HEATR1: variants seen among roughly 807,000 people sequenced by gnomAD.
HEATR1 encodes HEAT repeat-containing protein 1.
In HEATR1, 77 loss-of-function variants were observed where a neutral mutation model predicts 248.2. The observed-to-expected ratio is 0.31, with a 90% CI of 0.26 to 0.37. The LOEUF (loss-of-function observed/expected upper bound fraction) is 0.37, where lower values mean the gene tolerates loss of function less well. Ranked by LOEUF, HEATR1 falls within the 10% of genes least tolerant of loss-of-function variation. The pLI is 1.00. For missense variants in HEATR1, 2,420 were observed against 2,504.9 expected, an observed-to-expected ratio of 0.97 and a Z score of 0.72; for synonymous variants, 897 against 923.1, an observed-to-expected ratio of 0.97 and a Z score of 0.51.
chr1:236,595,747 T>A lies in HEATR1; in HGVS notation c.957-74A>T. The A allele has an allele frequency of 2.0e-6, 3 of 1,513,198 alleles. No individual in the cohort carries two copies. In the African/African-American group the frequency reaches 4.2e-5, roughly 21 times the overall value. The allele number at this position is 1,513,198 out of a possible 1,614,324, so 93.7% of individuals were successfully genotyped here. The stretch of plus-strand genomic sequence containing the variant: ...ATGAGTAACAATATAAGAAAATATA[T>A]AATCACTTATCTTACAAAAAAAAAT... On this transcript the variant is annotated intron_variant, in intron 7 of 44. Transcript: ENST00000366582.
At chr1:236,587,220 CACACAA>C (rs1370200950) in intron 14 of HEATR1, among the ~76,000 whole-genome samples, 176 bp downstream of exon 14, 1 of 151,574 alleles carries the variant, frequency 6.6e-6, no homozygotes, top group Non-Finnish European at 1.5e-5. Context: ...ATAATGAACA[CACACAA>C]ACACAAATTA....
In HEATR1 at chr1:236,556,194, G is replaced by A. The variant is rs765905193; in HGVS notation, c.5420C>T (p.Thr1807Ile). 1 of 1,614,008 alleles carries A rather than the reference G, an allele frequency of 6.2e-7. No individual in the cohort carries two copies. The highest frequency in any genetic ancestry group is 8.5e-7 in the Non-Finnish European group (1 of 1,179,994). ...GSASQANIRLTSLKKTLATTL... is the reference protein window; with the variant it reads ...GSASQANIRLISLKKTLATTL... ...GGTAGCCAGTGTCTTTTTAAGAGATGTGAGACGGATATTAGCCTGTGACGC... is the reference window on the plus strand; with the variant it reads ...GGTAGCCAGTGTCTTTTTAAGAGATATGAGACGGATATTAGCCTGTGACGC... The change falls in exon 38 of 45, where the codon ACA becomes ATA. Residue 1807 changes from threonine to isoleucine, a missense_variant. Coordinates refer to ENST00000366582, the MANE Select transcript of HEATR1 (RefSeq NM_018072.6).
intron 33 of HEATR1, 86 bp downstream of exon 33, chr1:236,561,139 A>G (rs1347433669): frequency 2.1e-6 from 2 of 970,964 alleles, no homozygotes; most frequent in African/African-American, 3.3e-5. Flanking sequence ...TAAAGAGTAT[A>G]TGAATTTTCT....
chr1:236,590,970 T>TAGTTATCAA lies in HEATR1; in HGVS notation c.1423-25_1423-17dup, dbSNP rs750517078. ...CTGCTAAAAACTACAGGGTTCAACATAGTTATCAAATGATTTCACTTAATC... is the reference window on the plus strand; with the variant it reads ...CTGCTAAAAACTACAGGGTTCAACATAGTTATCAAAGTTATCAAATGATTTCACTTAATC... On this transcript the variant is annotated splice_polypyrimidine_tract_variant and intron_variant, in intron 11 of 44. Coordinates refer to ENST00000366582, the MANE Select transcript of HEATR1 (RefSeq NM_018072.6). 1 of 1,277,640 alleles carries TAGTTATCAA rather than the reference T, an allele frequency of 7.8e-7. No homozygotes were observed. The highest frequency in any genetic ancestry group is 1.1e-6 in the Non-Finnish European group (1 of 945,162). 79.1% of individuals were successfully genotyped at this position (1,277,640 alleles called of 1,614,324 possible).
intron 42 of HEATR1, 32 bp from the exon 43 acceptor site, chr1:236,553,771 C>T: frequency 3.8e-6 from 6 of 1,573,994 alleles, no homozygotes; most frequent in Non-Finnish European, 5.2e-6. Flanking sequence ...CTTTGAACAA[C>T]AAGTCTCATT....
chr1:236,604,162 G>T, intron 1 of HEATR1, 35 bp from the exon 2 acceptor site: 1 of 1,480,200 alleles, frequency 6.8e-7, no homozygotes, highest in Admixed American at 2.5e-5. Context: ...AAGTTTCTAC[G>T]AAATTATAAG....
In HEATR1 at chr1:236,576,226, T is replaced by G; in HGVS notation, c.3077A>C (p.Asn1026Thr). 6.3e-7 allele frequency: 1 copy of G among 1,598,452 alleles called. No homozygotes were observed. The stretch of plus-strand genomic sequence containing the variant: ...CACTTAAATGGCACATACCTCACCG[T>G]TGACTCCCTGAAGTACTTTCATCAA... ...KDLMKVLQGVNGEMVLSQLLP... is the reference protein window; with the variant it reads ...KDLMKVLQGVTGEMVLSQLLP... Residue 1026 changes from asparagine (N) to threonine (T), a missense_variant, in exon 22 of 45, where the codon AAC becomes ACC. Transcript: ENST00000366582.
At chr1:236,560,574 A>T (rs1663106196) in intron 33 of HEATR1, among the ~76,000 whole-genome samples, 3 of 152,166 alleles carry the variant, frequency 2.0e-5, no homozygotes, top group Admixed American at 2.0e-4. Flanking sequence ...CAGGACTGGA[A>T]CTCAGCAGCT....
At chr1:236,575,600 G>A (rs2103137292) in intron 22 of HEATR1, among the ~76,000 whole-genome samples, 1 of 152,300 alleles carries the variant, frequency 6.6e-6, no homozygotes, top group East Asian at 1.9e-4. Context: ...CCAAGAAAGT[G>A]TAATCAAATG....
rs550868417 is a variant in HEATR1, at chr1:236,592,183, A to T, written c.1305-73T>A. On this transcript the variant is annotated intron_variant, in intron 10 of 44. Coordinates refer to ENST00000366582, the MANE Select transcript of HEATR1 (RefSeq NM_018072.6). ...AATCTCATACACCATACACATATAAAGGAAAGACATAAAATCTTAAAAATT... is the reference window on the plus strand; with the variant it reads ...AATCTCATACACCATACACATATAATGGAAAGACATAAAATCTTAAAAATT... The T allele has an allele frequency of 5.1e-6, 4 of 791,358 alleles. No homozygotes were observed. In the African/African-American group the frequency reaches 7.0e-5, roughly 14 times the overall value. 49.0% of individuals were successfully genotyped at this position (791,358 alleles called of 1,614,324 possible). A position where few individuals can be genotyped will look rare whatever the true frequency, so the allele number is the denominator to read the frequency against.
chr1:236,567,878 A>G (rs1213498128), intron 29 of HEATR1, among the ~76,000 whole-genome samples: 2 of 152,262 alleles, frequency 1.3e-5, no homozygotes. Context: ...AGCAGAGCAC[A>G]GAAAAGGCCA....
intron 8 of HEATR1, 128 bp downstream of exon 8, chr1:236,595,412 G>A (rs915538579): frequency 9.7e-6 from 7 of 725,194 alleles, no homozygotes; most frequent in Non-Finnish European, 1.5e-5. Flanking sequence ...TTAAGAAATA[G>A]ACAAGTTACA....
chr1:236,566,954 CT>C, intron 29 of HEATR1, 78 bp from the exon 30 acceptor site: 2 of 890,416 alleles, frequency 2.2e-6, no homozygotes, highest in Non-Finnish European at 3.6e-6. Flanking sequence ...CAAGATAAGG[CT>C]TTTAGATGGG....
At chr1:236,598,865 A>G (rs1664245345) in intron 4 of HEATR1, among the ~76,000 whole-genome samples, 1 of 151,898 alleles carries the variant, frequency 6.6e-6, no homozygotes, top group South Asian at 2.1e-4. Context: ...ACTTTCCTCC[A>G]CCATATGTTG....
intron 30 of HEATR1, among the ~76,000 whole-genome samples, 198 bp from the exon 31 acceptor site, chr1:236,566,243 A>G (rs1663266488): frequency 6.6e-6 from 1 of 152,220 alleles, no homozygotes; most frequent in African/African-American, 2.4e-5. Flanking sequence ...GGCTTTATCC[A>G]AACAATCACC....
intron 31 of HEATR1, 140 bp from the exon 32 acceptor site, chr1:236,564,801 A>G: frequency 1.3e-6 from 1 of 776,432 alleles, no homozygotes; most frequent in Non-Finnish European, 2.0e-6. Flanking sequence ...TATTACATCC[A>G]GTTTCTCCTC....
intron 37 of HEATR1, among the ~76,000 whole-genome samples, chr1:236,556,543 A>ACGGC (rs1347748135): frequency 6.6e-6 from 1 of 152,226 alleles, no homozygotes; most frequent in African/African-American, 2.4e-5. Context: ...GCAAGGGACC[A>ACGGC]CGGCAAGAGT....
At chr1:236,589,824 A>T (rs1226968932) in intron 12 of HEATR1, among the ~76,000 whole-genome samples, 2 of 152,256 alleles carry the variant, frequency 1.3e-5, no homozygotes, top group Non-Finnish European at 2.9e-5. Context: ...TAGTAACTAT[A>T]GTAAAATGCA....
Position 236,549,150 on chromosome 1 carries a change from A to C in HEATR1, c.*1752T>G, listed in dbSNP as rs1662594476. The C allele has an allele frequency of 5.0e-6, 2 of 396,276 alleles. No homozygotes were observed. Among genetic ancestry groups the C allele is most frequent in the Non-Finnish European group, 8.9e-6 (2 of 225,002 alleles). The allele number at this position is 396,276 out of a possible 1,614,324, so 24.5% of individuals were successfully genotyped here. A position where few individuals can be genotyped will look rare whatever the true frequency, so the allele number is the denominator to read the frequency against. On this transcript the variant is annotated 3_prime_UTR_variant, in exon 45 of 45. Coordinates refer to ENST00000366582, the MANE Select transcript of HEATR1 (RefSeq NM_018072.6). ...TAATGCAGAAATCTGTTTTGTTCCC[A>C]TGAAATCACCAATCAAGGCCTCCGT...
Sources: gnomAD v4.1 joint callset for allele counts (sites outside exome capture counted in the v4.1 genomes callset) on GRCh38, gnomAD v4.1.1 for gene constraint, MANE v1.5 for transcripts, NCBI Gene and HGNC (gene_info 2026-07-23, HGNC 2026-07-21) for gene names.